Variants in NBEA observed in about 807,000 individuals in gnomAD.
The protein encoded by NBEA is lysosomal-trafficking regulator 2.
NBEA carries 44 observed loss-of-function variants against 343.4 expected under a neutral mutation model. That is an observed-to-expected ratio of 0.13 (90% CI 0.10 to 0.16). The LOEUF (loss-of-function observed/expected upper bound fraction) is 0.16, where lower values mean the gene tolerates loss of function less well. Ranked by LOEUF, NBEA falls within the 10% of genes least tolerant of loss-of-function variation. NBEA has a pLI of 1.00. For missense variants in NBEA, 2,555 were observed against 3,631.3 expected, an observed-to-expected ratio of 0.70 and a Z score of 7.62; for synonymous variants, 1,175 against 1,238.7, an observed-to-expected ratio of 0.95 and a Z score of 1.08.
At chr13:35,062,130 A>G (rs2063489453) in intron 8 of NBEA, among the ~76,000 whole-genome samples, 1 of 151,740 alleles carries the variant, frequency 6.6e-6, no homozygotes, top group Non-Finnish European at 1.5e-5. Flanking sequence ...ATAACTAGTG[A>G]GGTAGAGAAA....
intron 55 of NBEA, among the ~76,000 whole-genome samples, chr13:35,661,979 TCC>T (rs770828791): frequency 2.6e-5 from 4 of 152,106 alleles, no homozygotes; most frequent in Admixed American, 6.5e-5. Flanking sequence ...GACCACAGCT[TCC>T]CCTGCATATC....
chr13:35,315,553 A>G (rs1010673554), intron 36 of NBEA, among the ~76,000 whole-genome samples: 6 of 152,222 alleles, frequency 3.9e-5, no homozygotes, highest in Non-Finnish European at 8.8e-5. Flanking sequence ...ATCTTTTTAA[A>G]TAAATTAATC....
intron 48 of NBEA, among the ~76,000 whole-genome samples, chr13:35,609,567 G>A (rs1165762681): frequency 6.6e-6 from 1 of 152,176 alleles, no homozygotes; most frequent in Non-Finnish European, 1.5e-5. Context: ...AAATTGTGTT[G>A]TGAAAAGCAT....
intron 8 of NBEA, among the ~76,000 whole-genome samples, chr13:35,068,977 G>A (rs1435344469): frequency 1.3e-5 from 2 of 151,992 alleles, no homozygotes; most frequent in Non-Finnish European, 2.9e-5. Context: ...TTGAGTTTGG[G>A]ACATTTAATT....
At chr13:35,589,150 A>G (rs533890712) in intron 46 of NBEA, among the ~76,000 whole-genome samples, 2 of 152,256 alleles carry the variant, frequency 1.3e-5, no homozygotes, top group African/African-American at 4.8e-5. Context: ...AGCCTAGTGC[A>G]TGGTAGGTAC....
chr13:35,222,810 A>G (rs1436320632), intron 33 of NBEA, among the ~76,000 whole-genome samples: 1 of 152,144 alleles, frequency 6.6e-6, no homozygotes, highest in Non-Finnish European at 1.5e-5. Flanking sequence ...ATGTTGTCAT[A>G]CGTTTTACTT....
intron 1 of NBEA, among the ~76,000 whole-genome samples, chr13:34,965,296 A>G: frequency 6.6e-6 from 1 of 151,980 alleles, no homozygotes; most frequent in Non-Finnish European, 1.5e-5. Context: ...ATACTAAATA[A>G]TGTGTTCAGG....
intron 1 of NBEA, 132 bp downstream of exon 1, chr13:34,943,246 G>C (rs915661495): frequency 5.7e-6 from 7 of 1,235,422 alleles, no homozygotes; most frequent in Non-Finnish European, 6.8e-6. Context: ...GCGTTCAGCC[G>C]GTATTGCCCA....
chr13:34,968,940 G>A (rs1045137805), intron 1 of NBEA, among the ~76,000 whole-genome samples: 2 of 131,272 alleles, frequency 1.5e-5, no homozygotes, highest in Non-Finnish European at 3.4e-5. Context: ...AATTGAGAAG[G>A]ACTTCAGTTA....
Position 35,171,340 on chromosome 13 carries a change from G to T in NBEA, c.4311G>T (p.Arg1437=), listed in dbSNP as rs369845925. ...SAETAVTFLS[R]LMAMVDVLVF... Reference sequence around the variant, plus strand: ...AGACAGCAGTAACTTTCCTCAGCCGGCTGATGGCTATGGTTGATGTACTTG... The same window carrying T: ...AGACAGCAGTAACTTTCCTCAGCCGTCTGATGGCTATGGTTGATGTACTTG... The change falls in exon 26 of 59, where the codon CGG becomes CGT. Residue 1437 remains arginine, a synonymous_variant. Coordinates refer to ENST00000379939, the MANE Select transcript of NBEA (RefSeq NM_001385012.1). 1.5e-5 allele frequency: 24 copies of T among 1,612,404 alleles called. No homozygotes were observed. The African/African-American group carries it at 3.1e-4, about 21-fold the overall frequency.
intron 38 of NBEA, among the ~76,000 whole-genome samples, chr13:35,360,055 G>A (rs980901117): frequency 1.6e-4 from 24 of 151,924 alleles, no homozygotes; most frequent in African/African-American, 5.3e-4. Context: ...GAGATTCATA[G>A]AGATCAAATG....
At chr13:35,575,861 C>T (rs2080710083) in intron 45 of NBEA, among the ~76,000 whole-genome samples, 2 of 152,122 alleles carry the variant, frequency 1.3e-5, no homozygotes, top group Non-Finnish European at 2.9e-5. Context: ...GTTAGAATAG[C>T]TCCCAGCCAC....
chr13:35,254,241 C>T (rs1443939120), intron 34 of NBEA, among the ~76,000 whole-genome samples: 5 of 151,206 alleles, frequency 3.3e-5, no homozygotes, highest in African/African-American at 1.2e-4. Context: ...GGGTAATATT[C>T]TTACTATAAA....
chr13:35,505,859 T>C (rs1256796499), intron 41 of NBEA, among the ~76,000 whole-genome samples: 1 of 152,200 alleles, frequency 6.6e-6, no homozygotes, highest in Admixed American at 6.5e-5. Context: ...CATTCTACTT[T>C]AGTCTGCATG....
At chr13:35,519,351 G>C (rs1476504170) in intron 41 of NBEA, among the ~76,000 whole-genome samples, 3 of 152,084 alleles carry the variant, frequency 2.0e-5, no homozygotes, top group Non-Finnish European at 4.4e-5. Flanking sequence ...GCATCTATTA[G>C]ATGATTCTAA....
chr13:35,435,662 A>G (rs1327730702), intron 39 of NBEA, among the ~76,000 whole-genome samples: 2 of 152,188 alleles, frequency 1.3e-5, no homozygotes, highest in African/African-American at 4.8e-5. Context: ...TATTTCAGAT[A>G]TTGTTTAAAT....
At chr13:35,426,356 C>A (rs1295817918) in intron 38 of NBEA, among the ~76,000 whole-genome samples, 1 of 152,154 alleles carries the variant, frequency 6.6e-6, no homozygotes, top group Non-Finnish European at 1.5e-5. Context: ...GTGACAAAAT[C>A]TCTCAGCATT....
intron 45 of NBEA, among the ~76,000 whole-genome samples, chr13:35,578,917 A>G (rs1312302555): frequency 6.7e-6 from 1 of 149,834 alleles, no homozygotes; most frequent in Admixed American, 6.7e-5. Context: ...TATAGCCTAC[A>G]GGTCATCTTA....
chr13:35,545,756 T>C (rs1447819578), intron 41 of NBEA, among the ~76,000 whole-genome samples: 2 of 152,158 alleles, frequency 1.3e-5, no homozygotes, highest in Admixed American at 1.3e-4. Context: ...ATTGTAAAGG[T>C]AGTGTCTTCT....
Sources: allele counts gnomAD v4.1 joint callset (sites outside exome capture counted in the v4.1 genomes callset), GRCh38; gene constraint gnomAD v4.1.1; transcripts MANE v1.5; gene names NCBI Gene and HGNC (gene_info 2026-07-23, HGNC 2026-07-21).